PPP1R13B: variants seen among roughly 807,000 people sequenced by gnomAD.
PPP1R13B encodes apoptosis-stimulating of p53 protein 1.
In PPP1R13B, 44 loss-of-function variants were observed where a neutral mutation model predicts 119.8. The observed-to-expected ratio is 0.37, with a 90% CI of 0.29 to 0.47. The LOEUF (loss-of-function observed/expected upper bound fraction) is 0.47. Among genes scored for constraint, PPP1R13B ranks in the 20% least tolerant of loss-of-function variants. The pLI is 0.99. For missense variants in PPP1R13B, 1,227 were observed against 1,413.5 expected, an observed-to-expected ratio of 0.87 and a Z score of 2.12; for synonymous variants, 542 against 561.5, an observed-to-expected ratio of 0.97 and a Z score of 0.49.
At chr14:103,791,816 T>C (rs2085628979) in intron 2 of PPP1R13B, among the ~76,000 whole-genome samples, 1 of 152,230 alleles carries the variant, frequency 6.6e-6, no homozygotes, top group African/African-American at 2.4e-5. Context: ...CACATATGCC[T>C]ATAAAAAGAT....
At chr14:103,823,931 C>A (rs1398595728) in intron 1 of PPP1R13B, among the ~76,000 whole-genome samples, 3 of 151,830 alleles carry the variant, frequency 2.0e-5, no homozygotes, top group African/African-American at 7.3e-5. Flanking sequence ...ACCCTTTCTA[C>A]ACCACAAAAC....
intron 2 of PPP1R13B, among the ~76,000 whole-genome samples, chr14:103,785,368 A>G (rs148936976): frequency 6.6e-6 from 1 of 152,116 alleles, no homozygotes; most frequent in East Asian, 1.9e-4. Context: ...ACAGGCATCC[A>G]CCACCGTGCC....
chr14:103,763,762 C>A (rs1417080464), intron 4 of PPP1R13B: 2 of 152,192 alleles, frequency 1.3e-5, no homozygotes, highest in Non-Finnish European at 2.9e-5. Flanking sequence ...TAGAATGTTT[C>A]CATCTGCCTC....
At chr14:103,765,658 C>T (rs1480598079) in intron 4 of PPP1R13B, among the ~76,000 whole-genome samples, 1 of 152,160 alleles carries the variant, frequency 6.6e-6, no homozygotes, top group Non-Finnish European at 1.5e-5. Context: ...TTCACTCATG[C>T]TCTTCCCGCT....
At chr14:103,846,806 T>G (rs1469433914) in intron 1 of PPP1R13B, 2 of 459,544 alleles carry the variant, frequency 4.4e-6, no homozygotes, top group Non-Finnish European at 4.3e-6. Flanking sequence ...AGGGAATTCC[T>G]AAGATGGCTC....
Position 103,800,160 on chromosome 14 carries a change from A to T in PPP1R13B, c.10-2642T>A, listed in dbSNP as rs555925994. ...AAACATTTATGTCTAATCTTTGACAAAAGGTCAGAAACAGGCCAGAAATGG... is the reference window on the plus strand; with the variant it reads ...AAACATTTATGTCTAATCTTTGACATAAGGTCAGAAACAGGCCAGAAATGG... On this transcript the variant is annotated intron_variant, in intron 1 of 16. Coordinates refer to ENST00000202556, the MANE Select transcript of PPP1R13B (RefSeq NM_015316.3). 2.0e-5 allele frequency among the ~76,000 whole-genome samples: 3 copies of T among 152,310 alleles called. No individual in the cohort carries two copies. The South Asian group carries it at 6.2e-4, about 32-fold the overall frequency.
chr14:103,825,623 A>G (rs1228218782), intron 1 of PPP1R13B, among the ~76,000 whole-genome samples: 1 of 152,194 alleles, frequency 6.6e-6, no homozygotes, highest in Non-Finnish European at 1.5e-5. Context: ...CTTCAATTCT[A>G]TGAAGGCTGA....
chr14:103,813,447 A>C (rs1478161790), intron 1 of PPP1R13B, among the ~76,000 whole-genome samples: 1 of 152,214 alleles, frequency 6.6e-6, no homozygotes, highest in Non-Finnish European at 1.5e-5. Context: ...CCAGGTGGAC[A>C]TAATTGGATC....
chr14:103,774,048 T>C (rs2085126721), intron 4 of PPP1R13B, among the ~76,000 whole-genome samples: 1 of 152,188 alleles, frequency 6.6e-6, no homozygotes, highest in Admixed American at 6.6e-5. Context: ...GGAGAGAGAA[T>C]AGTCTTTTCA....
At chr14:103,767,806 T>G (rs572001609) in intron 4 of PPP1R13B, among the ~76,000 whole-genome samples, 1 of 152,342 alleles carries the variant, frequency 6.6e-6, no homozygotes, top group East Asian at 1.9e-4. Flanking sequence ...TGTATCTTTG[T>G]GGAATCCTCT....
chr14:103,782,020 C>A (rs10149209), intron 3 of PPP1R13B, among the ~76,000 whole-genome samples: 4,099 of 152,078 alleles, frequency 0.027, 190 homozygotes, highest in African/African-American at 0.095. Flanking sequence ...AATTTTAATT[C>A]AAAAATATAT....
intron 12 of PPP1R13B, among the ~76,000 whole-genome samples, 174 bp downstream of exon 12, chr14:103,739,650 C>G (rs150294490): frequency 6.6e-6 from 1 of 152,242 alleles, no homozygotes; most frequent in African/African-American, 2.4e-5. Flanking sequence ...ATTTGTCATG[C>G]CTTTTCATGC....
intron 7 of PPP1R13B, among the ~76,000 whole-genome samples, chr14:103,752,501 AATGG>A (rs1170936744): frequency 6.6e-6 from 1 of 151,134 alleles, no homozygotes; most frequent in African/African-American, 2.4e-5. Context: ...GTATCCTTGA[AATGG>A]ATGAATTGTA....
At chr14:103,760,746 C>A (rs2084785168) in intron 4 of PPP1R13B, among the ~76,000 whole-genome samples, 1 of 152,166 alleles carries the variant, frequency 6.6e-6, no homozygotes, top group Admixed American at 6.5e-5. Context: ...GGCAACATCA[C>A]TTGTTTTCCA....
At chr14:103,810,279 C>A (rs746874601) in intron 1 of PPP1R13B, among the ~76,000 whole-genome samples, 3 of 151,552 alleles carry the variant, frequency 2.0e-5, no homozygotes, top group Non-Finnish European at 4.4e-5. Flanking sequence ...AAAATTAGCC[C>A]GACGTGGTGG....
chr14:103,760,052 A>T (rs1381363213), intron 4 of PPP1R13B, among the ~76,000 whole-genome samples: 3 of 152,226 alleles, frequency 2.0e-5, no homozygotes, highest in Non-Finnish European at 4.4e-5. Flanking sequence ...GAATTATTTC[A>T]AAGTGAATAT....
intron 2 of PPP1R13B, among the ~76,000 whole-genome samples, chr14:103,792,219 G>T (rs536997299): frequency 3.5e-4 from 49 of 138,132 alleles, no homozygotes; most frequent in African/African-American, 1.1e-3. Flanking sequence ...TTTAAAGACA[G>T]GGTCGCACTC....
intron 9 of PPP1R13B, among the ~76,000 whole-genome samples, chr14:103,745,838 T>G (rs1355040697): frequency 6.6e-6 from 1 of 152,136 alleles, no homozygotes. Flanking sequence ...GAGATGAAGT[T>G]TCACTCTTGT....
intron 1 of PPP1R13B, among the ~76,000 whole-genome samples, chr14:103,832,931 G>A (rs1386629963): frequency 5.3e-5 from 8 of 151,764 alleles, no homozygotes; most frequent in South Asian, 2.1e-4. Context: ...GCAGTGAGCC[G>A]AGATCGTGCC....
Sources: gnomAD v4.1 joint callset for allele counts (sites outside exome capture counted in the v4.1 genomes callset) on GRCh38, gnomAD v4.1.1 for gene constraint, MANE v1.5 for transcripts, NCBI Gene and HGNC (gene_info 2026-07-23, HGNC 2026-07-21) for gene names.